Variants in WDR36 observed in about 807,000 individuals in gnomAD.
WDR36 encodes WD repeat-containing protein 36.
In WDR36, 63 loss-of-function variants were observed where a neutral mutation model predicts 112.7. The observed-to-expected ratio is 0.56, with a 90% CI of 0.46 to 0.69. WDR36 has a LOEUF of 0.69. Ranked by LOEUF, WDR36 falls within the 30% of genes least tolerant of loss-of-function variation. The pLI is 0.00. For synonymous variants in WDR36, 410 were observed against 362.2 expected (o/e 1.13, Z -1.50); for missense variants, 1,226 against 1,070.3 (o/e 1.15, Z -2.03).
At position 111,107,417 on chromosome 5, in the gene WDR36, A is replaced by T; in HGVS notation, c.1304A>T (p.Lys435Met). 6.2e-7 allele frequency: 1 copy of T among 1,610,252 alleles called. No individual in the cohort carries two copies. ...GAYFLKPKEL[K>M]KDDITATAVD... ...TACTTTCTCAAGCCAAAAGAGTTGA[A>T]GAAAGATGACATAACTGCAACAGTA... Residue 435 changes from lysine (K) to methionine (M), a missense_variant, in exon 12 of 23, where the codon AAG becomes ATG. Transcript: ENST00000513710.
chr5:111,100,904 AAAAT>A (rs1158571142), intron 5 of WDR36, among the ~76,000 whole-genome samples, 183 bp downstream of exon 5: 2 of 151,994 alleles, frequency 1.3e-5, no homozygotes, highest in Admixed American at 6.6e-5. Context: ...TATTCAAGGA[AAAAT>A]AAATAAATAA....
Position 111,125,622 on chromosome 5 carries a change from A to G in WDR36, c.2365A>G (p.Asn789Asp), listed in dbSNP as rs1358134865. ...LVNNKYDTALNLLKESGPSGI... is the reference protein window; with the variant it reads ...LVNNKYDTALDLLKESGPSGI... The stretch of plus-strand genomic sequence containing the variant: ...ATTTAATGCAGATGACACTGCTCTC[A>G]ACCTTCTGAAAGAATCAGGCCCATC... Residue 789 changes from asparagine (N) to aspartate (D), a missense_variant, in exon 22 of 23, where the codon AAC becomes GAC. Asn to Asp is a conservative substitution (Grantham distance 23). Coordinates refer to ENST00000513710, the MANE Select transcript of WDR36 (RefSeq NM_139281.3). The G allele has an allele frequency of 6.2e-7, 1 of 1,613,610 alleles. No individual in the cohort carries two copies. Among genetic ancestry groups the G allele is most frequent in the Non-Finnish European group, 8.5e-7 (1 of 1,179,738 alleles).
chr5:111,096,112 AG>A (rs1393588971), intron 2 of WDR36, among the ~76,000 whole-genome samples: 1 of 152,224 alleles, frequency 6.6e-6, no homozygotes, highest in African/African-American at 2.4e-5. Context: ...CAGCATGAAA[AG>A]TACAACAATC....
Position 111,095,218 on chromosome 5 carries a change from C to T in WDR36, c.190+271C>T. The T allele has an allele frequency of 1.1e-5, 4 of 365,330 alleles. No individual in the cohort carries two copies. In the South Asian group the frequency reaches 1.6e-4, roughly 15 times the overall value. The allele number at this position is 365,330 out of a possible 1,614,324, so 22.6% of individuals were successfully genotyped here. A position where few individuals can be genotyped will look rare whatever the true frequency, so the allele number is the denominator to read the frequency against. ...TTGACATTTTTGAAGAGTACAGGCTCATTTAGAATGTCCTTCAGTTTGAGT... is the reference window on the plus strand; with the variant it reads ...TTGACATTTTTGAAGAGTACAGGCTTATTTAGAATGTCCTTCAGTTTGAGT... On this transcript the variant is annotated intron_variant, in intron 2 of 22. Coordinates refer to ENST00000513710, the MANE Select transcript of WDR36 (RefSeq NM_139281.3).
chr5:111,107,397 T>C lies in WDR36; in HGVS notation c.1284T>C (p.Phe428=), dbSNP rs1753241231. The change falls in exon 12 of 23, where the codon TTT becomes TTC. Residue 428 remains phenylalanine (F), a synonymous_variant. Coordinates refer to ENST00000513710, the MANE Select transcript of WDR36 (RefSeq NM_139281.3). ...AGAAATCTACAATAGGCGCTTACTTTCTCAAGCCAAAAGAGTTGAAGAAAG... is the reference window on the plus strand; with the variant it reads ...AGAAATCTACAATAGGCGCTTACTTCCTCAAGCCAAAAGAGTTGAAGAAAG... ...NYQKSTIGAY[F]LKPKELKKDD... The C allele has an allele frequency of 6.2e-7, 1 of 1,610,468 alleles. No individual in the cohort carries two copies. The highest frequency in any genetic ancestry group is 8.5e-7 in the Non-Finnish European group (1 of 1,177,612).
At chr5:111,113,672 T>C (rs561890259) in intron 16 of WDR36, among the ~76,000 whole-genome samples, 1 of 152,236 alleles carries the variant, frequency 6.6e-6, no homozygotes, top group Admixed American at 6.6e-5. Context: ...AAAAGGAGTT[T>C]ATTTCTTACA....
intron 3 of WDR36, 74 bp downstream of exon 3, chr5:111,097,253 T>C: frequency 9.2e-7 from 1 of 1,087,076 alleles, no homozygotes; most frequent in Non-Finnish European, 1.4e-6. Context: ...TTTAATTTTG[T>C]CATTCTTTAC....
chr5:111,124,291 G>C, intron 21 of WDR36, 102 bp downstream of exon 21: 3 of 993,360 alleles, frequency 3.0e-6, no homozygotes, highest in Non-Finnish European at 4.3e-6. Flanking sequence ...AGTTAAGATA[G>C]TAAAAATCAA....
In WDR36 at chr5:111,107,308, A is replaced by G. The variant is rs949370585; in HGVS notation, c.1195A>G (p.Ser399Gly). The G allele has an allele frequency of 1.2e-6, 2 of 1,609,968 alleles. No individual in the cohort carries two copies. Among genetic ancestry groups the G allele is most frequent in the African/African-American group, 1.3e-5 (1 of 74,686 alleles). Residue 399 changes from serine to glycine, a missense_variant, in exon 12 of 23, where the codon AGT (serine) becomes GGT (glycine). Coordinates refer to ENST00000513710, the MANE Select transcript of WDR36 (RefSeq NM_139281.3). The stretch of plus-strand genomic sequence containing the variant: ...TTACGTTTTAGAGGAAGCTCGTGAA[A>G]GTGACTGGGATGGTATCATTGCTTG... Reference protein sequence around the residue: ...TKFAAEEARESDWDGIIACHQ... With the variant: ...TKFAAEEAREGDWDGIIACHQ...
intron 2 of WDR36, among the ~76,000 whole-genome samples, chr5:111,096,186 T>C (rs1160382034): frequency 6.6e-6 from 1 of 152,188 alleles, no homozygotes; most frequent in Non-Finnish European, 1.5e-5. Context: ...ACCAGGATAC[T>C]GAGAGAAGAA....
At chr5:111,123,125 C>T (rs796595515) in intron 19 of WDR36, among the ~76,000 whole-genome samples, 6 of 152,164 alleles carry the variant, frequency 3.9e-5, no homozygotes, top group African/African-American at 1.4e-4. Context: ...AAAAATGTTC[C>T]TGAGATACTG....
chr5:111,125,224 C>A (rs1753653978), intron 21 of WDR36, among the ~76,000 whole-genome samples: 1 of 152,070 alleles, frequency 6.6e-6, no homozygotes, highest in African/African-American at 2.4e-5. Flanking sequence ...TCATCAGATT[C>A]CCAATGCTAA....
intron 21 of WDR36, among the ~76,000 whole-genome samples, chr5:111,124,499 G>A (rs1404941074): frequency 6.6e-6 from 1 of 152,056 alleles, no homozygotes; most frequent in Non-Finnish European, 1.5e-5. Context: ...TGAATTAAAT[G>A]TAAAAGTTTT....
Position 111,104,320 on chromosome 5 carries a change from C to A in WDR36, c.874C>A (p.Leu292Ile). ...GLTFLHREPLLVTNGADNALR... is the reference protein window; with the variant it reads ...GLTFLHREPLIVTNGADNALR... ...GACATTTCTCCATAGAGAGCCACTT[C>A]TTGTCACAAATGGCGCTGACAATGC... Residue 292 changes from leucine to isoleucine, a missense_variant, in exon 8 of 23, where the codon CTT becomes ATT. Transcript: ENST00000513710. 2 of 1,612,032 alleles carry A rather than the reference C, an allele frequency of 1.2e-6. No homozygotes were observed. The highest frequency in any genetic ancestry group is 1.1e-5 in the South Asian group (1 of 91,056).
intron 22 of WDR36, 109 bp downstream of exon 22, chr5:111,125,904 A>G (rs1753671435): frequency 8.9e-6 from 10 of 1,125,908 alleles, no homozygotes; most frequent in Admixed American, 1.8e-5. Flanking sequence ...CCTTTCCAGT[A>G]TCATAGCCAC....
Position 111,126,615 on chromosome 5 carries a change from G to A in WDR36, c.2539-119G>A, listed in dbSNP as rs868123077. ...AAATGGGAGATAGTAATAAACCAGC[G>A]CTTAAGAAAACAAATATTCACCTAG... On this transcript the variant is annotated intron_variant, in intron 22 of 22. Coordinates refer to ENST00000513710, the MANE Select transcript of WDR36 (RefSeq NM_139281.3). The A allele has an allele frequency of 5.1e-5, 59 of 1,149,874 alleles. No homozygotes were observed. In the African/African-American group the frequency reaches 5.8e-4, roughly 11 times the overall value. 71.2% of individuals were successfully genotyped at this position (1,149,874 alleles called of 1,614,324 possible).
intron 19 of WDR36, among the ~76,000 whole-genome samples, chr5:111,122,469 A>G (rs573569520): frequency 6.6e-6 from 1 of 152,264 alleles, no homozygotes; most frequent in East Asian, 1.9e-4. Flanking sequence ...GATAACTTCT[A>G]TTTTTGCTTT....
At position 111,119,086 on chromosome 5, in the gene WDR36, A is replaced by T; in HGVS notation, c.1870A>T (p.Thr624Ser). Residue 624 changes from threonine (T) to serine (S), a missense_variant, in exon 17 of 23, where the codon ACT becomes TCT. Physicochemically the swap from Thr to Ser is moderately conservative, Grantham distance 58. Transcript: ENST00000513710. Reference protein sequence around the residue: ...SMSPTGDFLATSHVDHLGIYL... With the variant: ...SMSPTGDFLASSHVDHLGIYL... ...GTCTCCTACTGGAGACTTTCTGGCA[A>T]CTTCCCATGTGGACCACCTTGGAAT... 1 of 1,613,598 alleles carries T rather than the reference A, an allele frequency of 6.2e-7. No individual in the cohort carries two copies. Among genetic ancestry groups the T allele is most frequent in the East Asian group, 2.2e-5 (1 of 44,852 alleles).
intron 22 of WDR36, among the ~76,000 whole-genome samples, chr5:111,126,237 T>C (rs931339059): frequency 2.6e-5 from 4 of 150,996 alleles, no homozygotes; most frequent in African/African-American, 9.7e-5. Flanking sequence ...GGTTTGTTTG[T>C]TTTTTTTTCT....
Sources: allele counts gnomAD v4.1 joint callset (sites outside exome capture counted in the v4.1 genomes callset), GRCh38; gene constraint gnomAD v4.1.1; transcripts MANE v1.5; gene names NCBI Gene and HGNC (gene_info 2026-07-23, HGNC 2026-07-21).